Variants in ZNF395 observed in about 807,000 individuals in gnomAD.
ZNF395 encodes HD gene regulatory region-binding protein 2.
Under a neutral mutation model 57.7 loss-of-function variants are expected in ZNF395, and 20 were observed. The ratio of observed to expected loss-of-function variants is 0.35; its 90% CI spans 0.24 to 0.50. ZNF395 has a LOEUF of 0.50. Among genes scored for constraint, ZNF395 ranks in the 20% least tolerant of loss-of-function variants. The pLI is 0.97. For synonymous variants in ZNF395, 295 were observed against 275.9 expected, an observed-to-expected ratio of 1.07 and a Z score of -0.69; for missense variants, 606 against 671.2, an observed-to-expected ratio of 0.90 and a Z score of 1.07.
intron 2 of ZNF395, 37 bp downstream of exon 2, chr8:28,360,848 C>A: frequency 6.2e-7 from 1 of 1,605,578 alleles, no homozygotes; most frequent in Non-Finnish European, 8.5e-7. Flanking sequence ...CCAAGACTGG[C>A]AAGACGGGAC....
At chr8:28,372,816 A>T (rs1048736561) in intron 1 of ZNF395, among the ~76,000 whole-genome samples, 2 of 152,186 alleles carry the variant, frequency 1.3e-5, no homozygotes, top group African/African-American at 4.8e-5. Context: ...AAGATGACTT[A>T]TGAGGCCAGA....
Position 28,373,429 on chromosome 8 carries a change from TAAC to T in ZNF395, c.-58-12250_-58-12248del, listed in dbSNP as rs1383287036. On this transcript the variant is annotated intron_variant, in intron 1 of 9. Transcript: ENST00000344423. ...TTCTGTAATTAACATAAACTGCTAA[TAAC>T]AGCCACGTGGCCGCATTCTAGATGC... Among the ~76,000 whole-genome samples the T allele has an allele frequency of 3.9e-5, 6 of 152,308 alleles. No homozygotes were observed. The East Asian group carries it at 1.2e-3, about 29-fold the overall frequency.
At position 28,345,823 on chromosome 8, in the gene ZNF395, C is replaced by T. The variant is rs1801593271; in HGVS notation, c.*2896G>A. 1.4e-5 allele frequency: 2 copies of T among 145,274 alleles called. No individual in the cohort carries two copies. Among genetic ancestry groups the T allele is most frequent in the Non-Finnish European group, 3.0e-5 (2 of 66,988 alleles). The allele number at this position is 145,274 out of a possible 1,614,324, so 9.0% of individuals were successfully genotyped here. On this transcript the variant is annotated 3_prime_UTR_variant, in exon 10 of 10. Transcript: ENST00000344423. ...CTGGGATGACCAGAAAGTAACAGGA[C>T]AGATTTCTCCCAGCAAATCAGTCTC...
chr8:28,351,005 C>T (rs1268474144), intron 7 of ZNF395, among the ~76,000 whole-genome samples: 1 of 152,196 alleles, frequency 6.6e-6, no homozygotes, highest in Non-Finnish European at 1.5e-5. Flanking sequence ...ACCATAGTTA[C>T]ATATTCATTT....
chr8:28,373,577 G>C (rs907443469), intron 1 of ZNF395, among the ~76,000 whole-genome samples: 3 of 152,176 alleles, frequency 2.0e-5, no homozygotes, highest in Admixed American at 6.5e-5. Context: ...CAGGCCAAGT[G>C]AACTGAGTTT....
rs367943283 is a variant in ZNF395, at chr8:28,352,724, C to T, written c.820-51G>A. On this transcript the variant is annotated intron_variant, in intron 5 of 9. Coordinates refer to ENST00000344423, the MANE Select transcript of ZNF395 (RefSeq NM_018660.3). This position sits in a 1 kb window ranked among gnomAD's most constrained non-coding sequence, Gnocchi z 4.0. Reference sequence around the variant, plus strand: ...TGGATATGTCTTTCTCCTTATCCCTCGCTCAACCTTACCCAGTGGGGACTC... The same window carrying T: ...TGGATATGTCTTTCTCCTTATCCCTTGCTCAACCTTACCCAGTGGGGACTC... 10 of 1,532,672 alleles carry T rather than the reference C, an allele frequency of 6.5e-6. No homozygotes were observed. Among genetic ancestry groups the T allele is most frequent in the African/African-American group, 2.7e-5 (2 of 73,330 alleles). The allele number at this position is 1,532,672 out of a possible 1,614,324, so 94.9% of individuals were successfully genotyped here. A position where few individuals can be genotyped will look rare whatever the true frequency, so the allele number is the denominator to read the frequency against.
intron 1 of ZNF395, among the ~76,000 whole-genome samples, chr8:28,383,286 C>T (rs1469186509): frequency 6.6e-6 from 1 of 152,072 alleles, no homozygotes; most frequent in Non-Finnish European, 1.5e-5. Flanking sequence ...AGCAAATCAC[C>T]CTGTGTCACC....
intron 1 of ZNF395, among the ~76,000 whole-genome samples, chr8:28,363,808 A>T (rs985293030): frequency 3.9e-5 from 6 of 151,982 alleles, no homozygotes; most frequent in Admixed American, 1.3e-4. Flanking sequence ...TGTAAGCCTT[A>T]TTCTTTTTTT....
At chr8:28,371,207 G>T (rs1801971766) in intron 1 of ZNF395, among the ~76,000 whole-genome samples, 1 of 152,212 alleles carries the variant, frequency 6.6e-6, no homozygotes, top group South Asian at 2.1e-4. Context: ...TTGAGACAGG[G>T]TCTCCCTCTG....
chr8:28,379,451 G>A (rs975236005), intron 1 of ZNF395, among the ~76,000 whole-genome samples: 1 of 152,168 alleles, frequency 6.6e-6, no homozygotes, highest in African/African-American at 2.4e-5. Flanking sequence ...GATCGCTTCA[G>A]CCCAGGAGTT....
chr8:28,357,732 C>T (rs1260599774), intron 3 of ZNF395, among the ~76,000 whole-genome samples: 1 of 152,210 alleles, frequency 6.6e-6, no homozygotes. Context: ...CTGCATTCCA[C>T]TGAATACACT....
At chr8:28,353,127 A>G in intron 5 of ZNF395, 46 bp downstream of exon 5, 1 of 1,589,292 alleles carries the variant, frequency 6.3e-7, no homozygotes, top group Non-Finnish European at 8.6e-7. Context: ...CCACACAGAC[A>G]TCATCCGCTC....
chr8:28,368,086 C>T (rs1801933540), intron 1 of ZNF395, among the ~76,000 whole-genome samples: 1 of 152,076 alleles, frequency 6.6e-6, no homozygotes, highest in African/African-American at 2.4e-5. Flanking sequence ...GTGGTTAAAC[C>T]TGATTTAAAC....
In ZNF395 at chr8:28,345,721, G is replaced by A. The variant is rs986540148; in HGVS notation, c.*2998C>T. The A allele has an allele frequency of 2.0e-5, 3 of 149,254 alleles. No homozygotes were observed. Among genetic ancestry groups the A allele is most frequent in the African/African-American group, 7.4e-5 (3 of 40,556 alleles). 9.2% of individuals were successfully genotyped at this position (149,254 alleles called of 1,614,324 possible). ...TTGGAAGACAGCTGAGGAAAAAGGC[G>A]CCAATAAGACAAACTCACAGATGGG... On this transcript the variant is annotated 3_prime_UTR_variant, in exon 10 of 10. Transcript: ENST00000344423.
At chr8:28,361,998 G>A (rs1294421464) in intron 1 of ZNF395, among the ~76,000 whole-genome samples, 2 of 151,878 alleles carry the variant, frequency 1.3e-5, no homozygotes, top group African/African-American at 2.4e-5. Flanking sequence ...TGCTGAGACA[G>A]GAGAATTGCT....
At chr8:28,378,036 A>G (rs4439084) in intron 1 of ZNF395, among the ~76,000 whole-genome samples, 81,681 of 151,560 alleles carry the variant, frequency 0.54, 24,948 homozygotes, top group East Asian at 0.82. Context: ...GGGATTACAG[A>G]TGTGTGACAC....
In ZNF395 at chr8:28,346,652, C is replaced by CG; in HGVS notation, c.*2066dup. The CG allele has an allele frequency of 6.6e-6, 1 of 152,048 alleles. No individual in the cohort carries two copies. The highest frequency in any genetic ancestry group is 1.5e-5 in the Non-Finnish European group (1 of 68,010). The allele number at this position is 152,048 out of a possible 1,614,324, so 9.4% of individuals were successfully genotyped here. A position where few individuals can be genotyped will look rare whatever the true frequency, so the allele number is the denominator to read the frequency against. On this transcript the variant is annotated 3_prime_UTR_variant, in exon 10 of 10. Coordinates refer to ENST00000344423, the MANE Select transcript of ZNF395 (RefSeq NM_018660.3). ...ATATCTACACGGTCCAAACTGGGGG[C>CG]GGGGGGAATTCAAACAGCTTTCTAA...
intron 1 of ZNF395, 59 bp downstream of exon 1, chr8:28,386,334 C>G (rs1479428740): frequency 1.4e-5 from 2 of 148,068 alleles, no homozygotes; most frequent in African/African-American, 4.9e-5. Context: ...CGCCCGCCCC[C>G]CGCGCCTCCG....
At chr8:28,364,869 C>A (rs1801892514) in intron 1 of ZNF395, among the ~76,000 whole-genome samples, 1 of 152,170 alleles carries the variant, frequency 6.6e-6, no homozygotes, top group Non-Finnish European at 1.5e-5. Flanking sequence ...TGGATCTTGG[C>A]CTCTTACCTA....
Sources: allele counts gnomAD v4.1 joint callset (sites outside exome capture counted in the v4.1 genomes callset), GRCh38; gene constraint gnomAD v4.1.1; non-coding constraint Gnocchi (gnomAD v3.1); transcripts MANE v1.5; gene names NCBI Gene and HGNC (gene_info 2026-07-23, HGNC 2026-07-21).